NEB: variants seen among roughly 807,000 people sequenced by gnomAD.
NEB encodes nebulin.
A neutral mutation model predicts 952.2 loss-of-function variants in NEB; 512 were observed. The observed-to-expected ratio is 0.54, with a 90% CI of 0.50 to 0.58. NEB has a LOEUF of 0.58. NEB is among the 20% of genes least tolerant of loss of function. The pLI, the probability that NEB is intolerant of heterozygous loss-of-function variation, is 0.00. For synonymous variants in NEB, 2,900 were observed against 3,149.8 expected (o/e 0.92, Z 2.66); for missense variants, 8,428 against 9,231.1 (o/e 0.91, Z 3.56).
chr2:151,638,514 C>T (rs553439048), intron 63 of NEB, among the ~76,000 whole-genome samples: 1 of 152,194 alleles, frequency 6.6e-6, no homozygotes. Flanking sequence ...CTTCAGAGGA[C>T]TATGTGAGTT....
At chr2:151,685,671 A>ATT (rs1465102092) in intron 27 of NEB, among the ~76,000 whole-genome samples, 3 of 152,236 alleles carry the variant, frequency 2.0e-5, no homozygotes. Context: ...CTGGGCCTCA[A>ATT]GGACTCCCTT....
At chr2:151,532,244 CA>C in intron 143 of NEB, 1 of 195,166 alleles carries the variant, frequency 5.1e-6, no homozygotes, top group Non-Finnish European at 1.1e-5. Context: ...GTTTTATACA[CA>C]TGTACTCGGA....
chr2:151,620,872 G>T, intron 72 of NEB, 47 bp downstream of exon 72: 1 of 1,409,158 alleles, frequency 7.1e-7, no homozygotes, highest in Non-Finnish European at 9.9e-7. Flanking sequence ...TGTATTCTGT[G>T]TGGCTGGCAT....
rs539367087 is a variant in NEB at position 151,639,302 on chromosome 2, A to G, written c.8972T>C (p.Met2991Thr). ...CACCTCACTGTAGTTGATTTTGTTC[A>G]TTCTTGCCAACATAATTTCTGGTGT... Reference protein sequence around the residue: ...PDTPEIMLARMNKINYSESLY... With the variant: ...PDTPEIMLARTNKINYSESLY... Residue 2991 changes from methionine (M) to threonine (T), a missense_variant, in exon 63 of 182, where the codon ATG (methionine) becomes ACG (threonine). Around this residue, in one of 11 missense-constraint regions of NEB, gnomAD observed 1,772 missense variants for 1,960.3 expected, o/e 0.90. Coordinates refer to ENST00000397345, the MANE Select transcript of NEB (RefSeq NM_001164508.2). The G allele has an allele frequency of 6.5e-7, 1 of 1,542,212 alleles. No individual in the cohort carries two copies. Among genetic ancestry groups the G allele is most frequent in the South Asian group, 1.2e-5 (1 of 84,074 alleles).
At chr2:151,570,038 G>C in intron 109 of NEB, 43 bp downstream of exon 109, 1 of 1,548,712 alleles carries the variant, frequency 6.5e-7, no homozygotes, top group Non-Finnish European at 8.8e-7. Context: ...GGAAGTCATG[G>C]CAAACTGAGA....
chr2:151,553,040 G>C (rs1003145759), intron 127 of NEB, among the ~76,000 whole-genome samples: 1 of 152,110 alleles, frequency 6.6e-6, no homozygotes, highest in East Asian at 1.9e-4. Flanking sequence ...TTTAATTTGC[G>C]TGGAAAATCC....
At chr2:151,556,066 T>C (rs927304424) in intron 124 of NEB, among the ~76,000 whole-genome samples, 1 of 152,188 alleles carries the variant, frequency 6.6e-6, no homozygotes, top group African/African-American at 2.4e-5. Flanking sequence ...TCTATAGTAC[T>C]TTTCTTCCAA....
intron 107 of NEB, among the ~76,000 whole-genome samples, chr2:151,571,013 C>CT (rs945630910): frequency 1.1e-4 from 17 of 151,018 alleles, no homozygotes; most frequent in African/African-American, 1.7e-4. Flanking sequence ...TACTCTTTTT[C>CT]TTTTTTTTTG....
At chr2:151,665,312 G>A (rs2154176885) in intron 42 of NEB, 21 bp downstream of exon 42, 1 of 1,610,788 alleles carries the variant, frequency 6.2e-7, no homozygotes, top group Non-Finnish European at 8.5e-7. Context: ...CCCTGGGCGA[G>A]GCTGGCAGGT....
chr2:151,565,478 C>T (rs1368410882), intron 116 of NEB, 23 bp downstream of exon 116: 1 of 1,420,866 alleles, frequency 7.0e-7, no homozygotes, highest in Admixed American at 1.8e-5. Context: ...CTGTGCACTT[C>T]AGCATGCACA....
intron 20 of NEB, among the ~76,000 whole-genome samples, chr2:151,693,270 C>A (rs922340297): frequency 6.6e-6 from 1 of 152,038 alleles, no homozygotes; most frequent in East Asian, 1.9e-4. Context: ...TGATTTCCAA[C>A]TTTTATTTTA....
At position 151,687,483 on chromosome 2, in the gene NEB, G is replaced by A. The variant is rs372217127; in HGVS notation, c.2573C>T (p.Ala858Val). ...CTTTGGATCGTCATTAATGCTGAGG[G>A]CTCCAATCATTTTCCCTTTGCTCTT... Reference protein sequence around the residue: ...YEKSKGKMIGALSINDDPKML... With the variant: ...YEKSKGKMIGVLSINDDPKML... Residue 858 changes from alanine to valine, a missense_variant, in exon 27 of 182, where the codon GCC becomes GTC. Around this residue, in one of 11 missense-constraint regions of NEB, gnomAD observed 2,851 missense variants for 2,791.5 expected, o/e 1.02. Coordinates refer to ENST00000397345, the MANE Select transcript of NEB (RefSeq NM_001164508.2). 139 of 1,613,792 alleles carry A rather than the reference G, an allele frequency of 8.6e-5. 1 individual carries two copies. In the Middle Eastern group the frequency reaches 1.3e-3, roughly 15 times the overall value.
chr2:151,525,085 A>C, intron 151 of NEB, 78 bp downstream of exon 151: 3 of 1,028,216 alleles, frequency 2.9e-6, no homozygotes, highest in East Asian at 4.7e-5. Context: ...GTGACCACAC[A>C]CTGGAACAAG....
Position 151,639,919 on chromosome 2 carries a change from T to A in NEB, c.8827A>T (p.Thr2943Ser). The A allele has an allele frequency of 6.2e-7, 1 of 1,614,004 alleles. No individual in the cohort carries two copies. Among genetic ancestry groups the A allele is most frequent in the South Asian group, 1.1e-5 (1 of 91,078 alleles). ...TGTTCCAGAGAGTCAGTCACACTGGTAAATTTGAATCTGTCTGGAGGCTGG... is the reference window on the plus strand; with the variant it reads ...TGTTCCAGAGAGTCAGTCACACTGGAAAATTTGAATCTGTCTGGAGGCTGG... ...YRQPPDRFKF[T>S]SVTDSLEQVL... The change falls in exon 62 of 182, where the codon ACC (threonine) becomes TCC (serine). Residue 2943 changes from threonine (T) to serine (S), a missense_variant. Physicochemically the swap from Thr to Ser is moderately conservative, Grantham distance 58. Around this residue, in one of 11 missense-constraint regions of NEB, gnomAD observed 1,772 missense variants for 1,960.3 expected, o/e 0.90. Coordinates refer to ENST00000397345, the MANE Select transcript of NEB (RefSeq NM_001164508.2).
chr2:151,650,509 A>C, intron 53 of NEB, 65 bp downstream of exon 53: 1 of 1,490,588 alleles, frequency 6.7e-7, no homozygotes, highest in Non-Finnish European at 9.0e-7. Flanking sequence ...CTTCTCTTTG[A>C]CTAAATAGCT....
At chr2:151,541,124 C>T (rs746382270) in intron 136 of NEB, among the ~76,000 whole-genome samples, 3 of 151,982 alleles carry the variant, frequency 2.0e-5, no homozygotes, top group East Asian at 1.9e-4. Context: ...CTGATTTTTG[C>T]GTGACTGCAT....
At chr2:151,629,723 C>T (rs1342818221) in intron 67 of NEB, 77 bp from the exon 68 acceptor site, 49 of 1,252,746 alleles carry the variant, frequency 3.9e-5, no homozygotes, top group Admixed American at 1.5e-4. Flanking sequence ...GACTTATATC[C>T]TAAAATTTAA....
intron 67 of NEB, 87 bp downstream of exon 67, chr2:151,630,628 A>G (rs1381012683): frequency 2.9e-6 from 3 of 1,034,210 alleles, no homozygotes; most frequent in Non-Finnish European, 4.4e-6. Flanking sequence ...AGCCACATGC[A>G]CCATGACAGC....
chr2:151,591,823 G>A (rs1479083388), intron 95 of NEB, among the ~76,000 whole-genome samples: 20 of 152,294 alleles, frequency 1.3e-4, no homozygotes, highest in Non-Finnish European at 2.2e-4. Context: ...TGTTTTTGGA[G>A]AAACCATTCC....
Sources: gnomAD v4.1 joint callset for allele counts (sites outside exome capture counted in the v4.1 genomes callset) on GRCh38, gnomAD v4.1.1 for gene constraint, gnomAD v4.1.1 regional missense constraint, MANE v1.5 for transcripts, NCBI Gene and HGNC (gene_info 2026-07-23, HGNC 2026-07-21) for gene names.